The following MAP2 variants were observed in gnomAD, a reference collection of about 807,000 sequenced individuals.
MAP2 encodes the protein microtubule-associated protein 2.
In MAP2, 14 loss-of-function variants were observed where a neutral mutation model predicts 137.6. The observed-to-expected ratio is 0.10, with a 90% CI of 0.07 to 0.16. MAP2 has a LOEUF of 0.16. MAP2 is among the 10% of genes least tolerant of loss of function. The pLI is 1.00. For missense variants in MAP2, 2,088 were observed against 2,191.5 expected (o/e 0.95, Z 0.94); for synonymous variants, 786 against 782.3 (o/e 1.00, Z -0.08).
At chr2:209,492,275 T>C (rs960164718) in intron 1 of MAP2, among the ~76,000 whole-genome samples, 4 of 152,154 alleles carry the variant, frequency 2.6e-5, no homozygotes, top group African/African-American at 9.7e-5. Flanking sequence ...AACTAGGTAT[T>C]GATGAAACAT....
chr2:209,641,842 A>G (rs2663656), intron 4 of MAP2, among the ~76,000 whole-genome samples: 10,115 of 152,228 alleles, frequency 0.066, 802 homozygotes, highest in South Asian at 0.23. Flanking sequence ...GCTGTGAAGC[A>G]TAAGTTGTAT....
chr2:209,517,081 A>C (rs1349562292), intron 2 of MAP2, among the ~76,000 whole-genome samples: 1 of 152,118 alleles, frequency 6.6e-6, no homozygotes, highest in African/African-American at 2.4e-5. Flanking sequence ...CATTTACTGG[A>C]AATGTATACC....
chr2:209,453,747 G>A (rs886562536), intron 1 of MAP2, among the ~76,000 whole-genome samples: 3 of 149,864 alleles, frequency 2.0e-5, no homozygotes, highest in African/African-American at 7.6e-5. Context: ...TACATAGATG[G>A]GGTGTCATGT....
rs948156184 is a variant in MAP2 at position 209,567,567 on chromosome 2, A to G, written c.-171-12469A>G. On this transcript the variant is annotated intron_variant, in intron 2 of 15. Transcript: ENST00000682079. ...ATAGCTATTTTTGCATTCCATTTGA[A>G]ATAAAAAAGTAGATAGACCATGCCT... Among the ~76,000 whole-genome samples the G allele has an allele frequency of 3.7e-4, 57 of 152,038 alleles. 1 individual carries two copies. The highest frequency in any genetic ancestry group is 3.9e-4 in the Admixed American group (6 of 15,250).
At chr2:209,507,517 T>G (rs1432663486) in intron 1 of MAP2, 75 bp from the exon 2 acceptor site, 2 of 152,142 alleles carry the variant, frequency 1.3e-5, no homozygotes, top group Non-Finnish European at 2.9e-5. Flanking sequence ...GATTTTATCT[T>G]CCTCCTTAGT....
chr2:209,622,855 A>C (rs1294370599), intron 3 of MAP2, among the ~76,000 whole-genome samples: 1 of 152,148 alleles, frequency 6.6e-6, no homozygotes, highest in Non-Finnish European at 1.5e-5. Flanking sequence ...AACCTCATAA[A>C]AGTCAAGCTT....
chr2:209,514,171 G>T (rs543758899), intron 2 of MAP2, among the ~76,000 whole-genome samples: 1 of 151,080 alleles, frequency 6.6e-6, no homozygotes, highest in Admixed American at 6.6e-5. Flanking sequence ...TTAGAATCCT[G>T]GATATGTTTT....
At chr2:209,547,617 C>T (rs997585989) in intron 2 of MAP2, among the ~76,000 whole-genome samples, 1 of 152,146 alleles carries the variant, frequency 6.6e-6, no homozygotes, top group African/African-American at 2.4e-5. Flanking sequence ...TCCTGCTCTA[C>T]TACTTATTTG....
chr2:209,488,891 A>G (rs1272010234), intron 1 of MAP2, among the ~76,000 whole-genome samples: 1 of 152,250 alleles, frequency 6.6e-6, no homozygotes, highest in Non-Finnish European at 1.5e-5. Flanking sequence ...CCTGCCTGCC[A>G]GCTCTGAGGA....
chr2:209,517,162 G>A (rs1184849912), intron 2 of MAP2, among the ~76,000 whole-genome samples: 2 of 152,050 alleles, frequency 1.3e-5, no homozygotes, highest in Admixed American at 1.3e-4. Context: ...GAACTGCTGT[G>A]TTCCTCTTTC....
chr2:209,516,128 G>T (rs1052129718), intron 2 of MAP2, among the ~76,000 whole-genome samples: 2 of 152,070 alleles, frequency 1.3e-5, no homozygotes, highest in Admixed American at 1.3e-4. Flanking sequence ...GTATTCCTCT[G>T]TGAAGTATGT....
intron 1 of MAP2, among the ~76,000 whole-genome samples, chr2:209,436,830 A>C (rs1173560434): frequency 4.0e-5 from 6 of 151,608 alleles, no homozygotes; most frequent in Non-Finnish European, 5.9e-5. Flanking sequence ...AACTGTGTAG[A>C]ATCTTTAGTA....
intron 2 of MAP2, among the ~76,000 whole-genome samples, chr2:209,544,257 A>G (rs2067591965): frequency 6.6e-6 from 1 of 151,952 alleles, no homozygotes; most frequent in African/African-American, 2.4e-5. Context: ...ACGGGGAAGA[A>G]AACAACCTTT....
chr2:209,575,396 C>T (rs1319882725), intron 2 of MAP2, among the ~76,000 whole-genome samples: 1 of 151,564 alleles, frequency 6.6e-6, no homozygotes, highest in East Asian at 2.0e-4. Context: ...TGGCGGGTGC[C>T]TGTAGTCCCA....
At chr2:209,617,631 T>C (rs1343922687) in intron 3 of MAP2, among the ~76,000 whole-genome samples, 1 of 152,156 alleles carries the variant, frequency 6.6e-6, no homozygotes, top group Non-Finnish European at 1.5e-5. Flanking sequence ...AAAGGAGATC[T>C]GGTGTCTCCT....
At chr2:209,622,813 T>G (rs2091519490) in intron 3 of MAP2, among the ~76,000 whole-genome samples, 1 of 152,098 alleles carries the variant, frequency 6.6e-6, no homozygotes, top group Admixed American at 6.6e-5. Flanking sequence ...GTCTAGAAAA[T>G]TATAGTTATT....
Position 209,695,110 on chromosome 2 carries a change from TGAA to T in MAP2, c.2943_2945del (p.Glu982del). 6.2e-7 allele frequency: 1 copy of T among 1,614,092 alleles called. No homozygotes were observed. Among genetic ancestry groups the T allele is most frequent in the Non-Finnish European group, 8.5e-7 (1 of 1,180,016 alleles). ...ATTCAAAAGAACATGCCAAGAAAAC[TGAA>T]GAGGCTGGTGATGAAATAGAAACAT... On this transcript the variant is annotated inframe_deletion, in exon 8 of 16. Transcript: ENST00000682079.
At chr2:209,599,314 A>C (rs1482237928) in intron 3 of MAP2, among the ~76,000 whole-genome samples, 1 of 151,636 alleles carries the variant, frequency 6.6e-6, no homozygotes, top group Non-Finnish European at 1.5e-5. Context: ...TTTCTTGTAA[A>C]TTTGTTTGAG....
At chr2:209,687,605 G>A (rs995735514) in intron 7 of MAP2, among the ~76,000 whole-genome samples, 1 of 152,122 alleles carries the variant, frequency 6.6e-6, no homozygotes, top group African/African-American at 2.4e-5. Context: ...TCATCCTGCT[G>A]TGCTGCTTCT....
Sources: gnomAD v4.1 joint callset for allele counts (sites outside exome capture counted in the v4.1 genomes callset) on GRCh38, gnomAD v4.1.1 for gene constraint, MANE v1.5 for transcripts, NCBI Gene and HGNC (gene_info 2026-07-23, HGNC 2026-07-21) for gene names.